ZNF566: variants seen among roughly 807,000 people sequenced by gnomAD.
The protein encoded by ZNF566 is zinc finger protein 566.
In ZNF566, 27 loss-of-function variants were observed where a neutral mutation model predicts 32.8. That is an observed-to-expected ratio of 0.82 (90% CI 0.61 to 1.14). The LOEUF (loss-of-function observed/expected upper bound fraction) is 1.14. Among genes scored for constraint, ZNF566 ranks in the 50% most tolerant of loss-of-function variants. The pLI, the probability that ZNF566 is intolerant of heterozygous loss-of-function variation, is 0.00. For synonymous variants in ZNF566, 154 were observed against 159.5 expected (o/e 0.97, Z 0.26); for missense variants, 402 against 490.4 (o/e 0.82, Z 1.70).
chr19:36,477,520 G>GTTTTTTTTT (rs1568528944), intron 1 of ZNF566, among the ~76,000 whole-genome samples: 1 of 130,266 alleles, frequency 7.7e-6, no homozygotes, highest in African/African-American at 3.0e-5. Flanking sequence ...CCAGTTTTCT[G>GTTTTTTTTT]TTTCTGTTTT....
chr19:36,454,000 T>G (rs2033236384), intron 4 of ZNF566, among the ~76,000 whole-genome samples: 1 of 152,152 alleles, frequency 6.6e-6, no homozygotes, highest in South Asian at 2.1e-4. Context: ...ATTTTTTGTA[T>G]TTTTAGTAGA....
chr19:36,452,253 T>C (rs901143024), intron 4 of ZNF566, among the ~76,000 whole-genome samples: 1 of 151,656 alleles, frequency 6.6e-6, no homozygotes, highest in Non-Finnish European at 1.5e-5. Context: ...CAGGATCTCA[T>C]CTAGTATTCT....
intron 1 of ZNF566, among the ~76,000 whole-genome samples, chr19:36,483,565 C>T (rs929831019): frequency 6.6e-6 from 1 of 151,866 alleles, no homozygotes; most frequent in Non-Finnish European, 1.5e-5. Flanking sequence ...ACTTAAGGAG[C>T]TTCTGATGGC....
chr19:36,484,149 C>T (rs894004313), intron 1 of ZNF566, among the ~76,000 whole-genome samples: 2 of 152,238 alleles, frequency 1.3e-5, no homozygotes, highest in African/African-American at 2.4e-5. Flanking sequence ...GCTGAGATTA[C>T]AGGCGCCAGC....
chr19:36,477,363 A>G (rs2033914329), intron 1 of ZNF566, among the ~76,000 whole-genome samples: 1 of 151,898 alleles, frequency 6.6e-6, no homozygotes, highest in African/African-American at 2.4e-5. Context: ...GGCTTTTTCT[A>G]GTTTTTCACT....
chr19:36,465,001 G>A (rs1229500357), intron 4 of ZNF566, among the ~76,000 whole-genome samples: 1 of 152,052 alleles, frequency 6.6e-6, no homozygotes, highest in Non-Finnish European at 1.5e-5. Context: ...TATAAAACAT[G>A]CGATTGATCA....
chr19:36,466,988 G>C (rs1222878462), intron 4 of ZNF566, among the ~76,000 whole-genome samples: 3 of 150,722 alleles, frequency 2.0e-5, no homozygotes, highest in African/African-American at 7.4e-5. Flanking sequence ...AGAATGGTGT[G>C]AACCCGGGAG....
At chr19:36,466,220 A>G (rs2033609350) in intron 4 of ZNF566, among the ~76,000 whole-genome samples, 1 of 152,206 alleles carries the variant, frequency 6.6e-6, no homozygotes. Flanking sequence ...CAAAAAGAAA[A>G]CAGTTAAGAA....
intron 4 of ZNF566, among the ~76,000 whole-genome samples, chr19:36,468,494 A>G (rs1467124208): frequency 1.3e-5 from 2 of 151,304 alleles, no homozygotes; most frequent in Non-Finnish European, 2.9e-5. Flanking sequence ...TAATTCTCAC[A>G]ATTCGGGAGG....
intron 4 of ZNF566, among the ~76,000 whole-genome samples, chr19:36,450,934 C>T (rs1441125665): frequency 6.6e-6 from 1 of 152,158 alleles, no homozygotes; most frequent in African/African-American, 2.4e-5. Flanking sequence ...TTTGCCAGCC[C>T]CTGGTTAGAT....
chr19:36,487,360 C>T (rs772602986), intron 1 of ZNF566, among the ~76,000 whole-genome samples: 6 of 152,114 alleles, frequency 3.9e-5, no homozygotes, highest in Non-Finnish European at 5.9e-5. Context: ...GAAAAGCCTT[C>T]ATGTGTTCAC....
intron 1 of ZNF566, among the ~76,000 whole-genome samples, chr19:36,486,690 T>TGAAA (rs1174436210): frequency 3.6e-5 from 4 of 109,784 alleles, no homozygotes; most frequent in Non-Finnish European, 5.8e-5. Flanking sequence ...AAAAAAAAAA[T>TGAAA]GAAAGAAAGA....
intron 4 of ZNF566, among the ~76,000 whole-genome samples, chr19:36,464,215 A>C (rs568694086): frequency 6.6e-6 from 1 of 152,354 alleles, no homozygotes; most frequent in African/African-American, 2.4e-5. Context: ...AGGGATAAAA[A>C]GGCTCAATGT....
chr19:36,481,365 G>A (rs1215432164), intron 1 of ZNF566, among the ~76,000 whole-genome samples: 1 of 151,616 alleles, frequency 6.6e-6, no homozygotes, highest in Non-Finnish European at 1.5e-5. Context: ...CAGCTACTCA[G>A]GAGGCTGAGG....
chr19:36,451,843 T>C (rs1280875529), intron 4 of ZNF566, among the ~76,000 whole-genome samples: 1 of 151,920 alleles, frequency 6.6e-6, no homozygotes, highest in Non-Finnish European at 1.5e-5. Flanking sequence ...CTATCTCTAC[T>C]AAAAATACAA....
At chr19:36,487,345 C>T (rs1367442254) in intron 1 of ZNF566, among the ~76,000 whole-genome samples, 6 of 152,014 alleles carry the variant, frequency 3.9e-5, no homozygotes, top group Admixed American at 2.6e-4. Flanking sequence ...AGTATTAACC[C>T]GGGAGAAAAG....
chr19:36,463,330 A>C (rs1044402055), intron 4 of ZNF566, among the ~76,000 whole-genome samples: 1 of 151,880 alleles, frequency 6.6e-6, no homozygotes, highest in Non-Finnish European at 1.5e-5. Flanking sequence ...GCATTTGTAG[A>C]CCCCCAAAAA....
At chr19:36,459,323 G>C (rs1208824701) in intron 4 of ZNF566, among the ~76,000 whole-genome samples, 1 of 150,788 alleles carries the variant, frequency 6.6e-6, no homozygotes, top group Non-Finnish European at 1.5e-5. Context: ...TTTGTTTTGT[G>C]TTTGCCTCAG....
At chr19:36,473,176 C>T in intron 3 of ZNF566, 156 bp downstream of exon 3, 2 of 1,102,298 alleles carry the variant, frequency 1.8e-6, no homozygotes, top group Non-Finnish European at 2.6e-6. Context: ...AAACTCAATG[C>T]AGCTTCCTTT....
Sources: allele counts gnomAD v4.1 joint callset (sites outside exome capture counted in the v4.1 genomes callset), GRCh38; gene constraint gnomAD v4.1.1; transcripts MANE v1.5; gene names NCBI Gene and HGNC (gene_info 2026-07-23, HGNC 2026-07-21).